Variants in HMCN1 observed in about 807,000 individuals in gnomAD.
HMCN1 encodes hemicentin-1.
HMCN1 carries 321 observed loss-of-function variants against 625.9 expected under a neutral mutation model. That is an observed-to-expected ratio of 0.51 (90% CI 0.47 to 0.56). The LOEUF is 0.56. Ranked by LOEUF, HMCN1 falls within the 20% of genes least tolerant of loss-of-function variation. The probability of loss-of-function intolerance (pLI) is 0.00; values close to 1 mark genes in which losing one functional copy is unlikely to be tolerated. For synonymous variants in HMCN1, 2,425 were observed against 2,417.6 expected (o/e 1.00, Z -0.09); for missense variants, 6,588 against 6,887.3 (o/e 0.96, Z 1.54).
At chr1:186,068,868 C>CAAAAAA (rs397862240) in intron 50 of HMCN1, among the ~76,000 whole-genome samples, 3 of 76,768 alleles carry the variant, frequency 3.9e-5, no homozygotes, top group African/African-American at 5.5e-5. Flanking sequence ...GACTCGGTCT[C>CAAAAAA]AAAAAAAAAA....
intron 15 of HMCN1, among the ~76,000 whole-genome samples, chr1:185,973,561 G>C (rs1013002568): frequency 8.6e-5 from 13 of 151,532 alleles, no homozygotes; most frequent in African/African-American, 2.9e-4. Flanking sequence ...TGTTTTTGTG[G>C]GCATATTACT....
Position 185,734,872 on chromosome 1 carries a change from A to C in HMCN1, c.93A>C (p.Arg31Ser). 1 of 1,613,894 alleles carries C rather than the reference A, an allele frequency of 6.2e-7. No homozygotes were observed. The highest frequency in any genetic ancestry group is 8.5e-7 in the Non-Finnish European group (1 of 1,179,922). Residue 31 changes from arginine (R) to serine (S), a missense_variant, in exon 1 of 107, where the codon AGA (arginine) becomes AGC (serine). By Grantham distance (110) the Arg-to-Ser change is moderately radical. This residue lies in a region of HMCN1 where 4,628 missense variants were observed against 4,853.1 expected (regional missense o/e 0.95). Transcript: ENST00000271588. ...ATGCGAGCCCCCAGTCAGAGATCAG[A>C]GCTGAGGAAATTCCCGAGGGGGCCT... is the stretch of plus-strand genomic sequence containing the variant. ...AQDASPQSEI[R>S]AEEIPEGAST...
chr1:186,062,707 G>A (rs1434881055), intron 48 of HMCN1, 107 bp downstream of exon 48: 10 of 741,016 alleles, frequency 1.3e-5, no homozygotes, highest in African/African-American at 3.5e-5. Flanking sequence ...GTACAAGTGC[G>A]GTTTTGTTAC....
intron 53 of HMCN1, among the ~76,000 whole-genome samples, chr1:186,076,172 C>G (rs897699640): frequency 6.6e-6 from 1 of 152,112 alleles, no homozygotes; most frequent in African/African-American, 2.4e-5. Context: ...AGTGCCAGAG[C>G]CCTTTAACGG....
rs1654490137 is a variant in HMCN1, at chr1:186,018,240, T to A, written c.5358T>A (p.Asn1786Lys). Residue 1786 changes from asparagine (N) to lysine (K), a missense_variant, in exon 34 of 107, where the codon AAT becomes AAA. By Grantham distance (94) the Asn-to-Lys change is moderately conservative (BLOSUM62 0). This residue lies in a region of HMCN1 where 4,628 missense variants were observed against 4,853.1 expected (regional missense o/e 0.95). Transcript: ENST00000271588. ...GGGATGGATTCAAGATTTTATTAAA[T>A]GGACGCAAACTGGTTATTGCTCAGG... Reference protein sequence around the residue: ...DERDGFKILLNGRKLVIAQAQ... With the variant: ...DERDGFKILLKGRKLVIAQAQ... 1 of 1,613,006 alleles carries A rather than the reference T, an allele frequency of 6.2e-7. No individual in the cohort carries two copies. The highest frequency in any genetic ancestry group is 8.5e-7 in the Non-Finnish European group (1 of 1,179,142).
chr1:186,001,120 T>C (rs1014862623), intron 26 of HMCN1, among the ~76,000 whole-genome samples, 178 bp from the exon 27 acceptor site: 5 of 152,138 alleles, frequency 3.3e-5, no homozygotes, highest in Admixed American at 6.6e-5. Flanking sequence ...TAAGGGTTGT[T>C]ATTATAAATA....
intron 1 of HMCN1, among the ~76,000 whole-genome samples, chr1:185,825,350 A>T (rs991245929): frequency 6.6e-6 from 1 of 152,196 alleles, no homozygotes; most frequent in African/African-American, 2.4e-5. Flanking sequence ...TTTAGGGGGT[A>T]ACTTTTAAAA....
intron 1 of HMCN1, among the ~76,000 whole-genome samples, chr1:185,803,159 G>T (rs57246058): frequency 0.16 from 13,041 of 82,964 alleles, 1,989 homozygotes; most frequent in African/African-American, 0.42. Context: ...ATCTTTTTTA[G>T]TAAATGCCTC....
At chr1:186,039,617 G>T (rs1352731529) in intron 38 of HMCN1, 111 bp from the exon 39 acceptor site, 1 of 1,210,126 alleles carries the variant, frequency 8.3e-7, no homozygotes, top group Middle Eastern at 1.9e-4. Context: ...CAAAAAACAA[G>T]CAAACCCTCC....
At chr1:185,904,788 C>T (rs918825383) in intron 4 of HMCN1, among the ~76,000 whole-genome samples, 3 of 151,674 alleles carry the variant, frequency 2.0e-5, no homozygotes, top group South Asian at 2.1e-4. Flanking sequence ...AAGAAGTATC[C>T]ATCATCTAAT....
Position 186,123,237 on chromosome 1 carries a change from G to A in HMCN1, c.12499+17G>A. On this transcript the variant is annotated intron_variant, in intron 81 of 106. Coordinates refer to ENST00000271588, the MANE Select transcript of HMCN1 (RefSeq NM_031935.3). ...CCGTCCATGGTAGGTTGTTTAACAT[G>A]AATTATTTTAGTCTGCTGCACTACC... 6.2e-7 allele frequency: 1 copy of A among 1,609,416 alleles called. No individual in the cohort carries two copies. Among genetic ancestry groups the A allele is most frequent in the African/African-American group, 1.3e-5 (1 of 74,952 alleles).
At chr1:186,119,970 C>G (rs1558237983) in intron 79 of HMCN1, 41 bp from the exon 80 acceptor site, 1 of 1,566,258 alleles carries the variant, frequency 6.4e-7, no homozygotes, top group South Asian at 1.1e-5. Flanking sequence ...AATGAACAGG[C>G]TTTTTTTTTT....
At chr1:186,091,888 A>G (rs571274253) in intron 64 of HMCN1, among the ~76,000 whole-genome samples, 2 of 152,136 alleles carry the variant, frequency 1.3e-5, no homozygotes, top group South Asian at 2.1e-4. Context: ...TTCATTGTGT[A>G]TTAAAATTTC....
chr1:185,769,164 T>A (rs531979448), intron 1 of HMCN1, among the ~76,000 whole-genome samples: 1 of 152,248 alleles, frequency 6.6e-6, no homozygotes, highest in African/African-American at 2.4e-5. Context: ...GACTTTATAA[T>A]AGGCCAGGTG....
intron 1 of HMCN1, among the ~76,000 whole-genome samples, chr1:185,758,492 T>C (rs1207636235): frequency 6.6e-6 from 1 of 152,064 alleles, no homozygotes; most frequent in Admixed American, 6.6e-5. Context: ...AAAAATTAGC[T>C]GGGCGTGGTT....
intron 1 of HMCN1, among the ~76,000 whole-genome samples, chr1:185,805,733 G>A (rs996531388): frequency 5.9e-5 from 9 of 152,170 alleles, no homozygotes; most frequent in Admixed American, 2.0e-4. Context: ...TCTCTACTGC[G>A]TATGTCTAAC....
At chr1:185,782,586 A>T (rs867624648) in intron 1 of HMCN1, among the ~76,000 whole-genome samples, 8 of 152,070 alleles carry the variant, frequency 5.3e-5, no homozygotes, top group Admixed American at 2.0e-4. Context: ...TAAAGTATTT[A>T]ATTTCTCCTT....
intron 45 of HMCN1, among the ~76,000 whole-genome samples, chr1:186,056,827 AC>A (rs1475717404): frequency 6.6e-6 from 1 of 151,788 alleles, no homozygotes; most frequent in African/African-American, 2.4e-5. Flanking sequence ...GATCAATCAT[AC>A]CCCAAGCCTC....
At chr1:185,760,207 C>G (rs1655402641) in intron 1 of HMCN1, among the ~76,000 whole-genome samples, 1 of 152,150 alleles carries the variant, frequency 6.6e-6, no homozygotes, top group African/African-American at 2.4e-5. Context: ...GTCCAGAAAA[C>G]AAGCCAAGTC....
Sources: allele counts gnomAD v4.1 joint callset (sites outside exome capture counted in the v4.1 genomes callset), GRCh38; gene constraint gnomAD v4.1.1; regional missense constraint gnomAD v4.1.1; transcripts MANE v1.5; gene names NCBI Gene and HGNC (gene_info 2026-07-23, HGNC 2026-07-21).